Variants in PTPRZ1 observed in about 807,000 individuals in gnomAD.
PTPRZ1 encodes the protein protein tyrosine phosphatase receptor type Z1.
Under a neutral mutation model 214.1 loss-of-function variants are expected in PTPRZ1, and 82 were observed. The ratio of observed to expected loss-of-function variants is 0.38; its 90% confidence interval spans 0.32 to 0.46. The LOEUF is 0.46. Ranked by LOEUF, PTPRZ1 falls within the 20% of genes least tolerant of loss-of-function variation. The pLI is 1.00. For synonymous variants in PTPRZ1, 945 were observed against 987.9 expected (o/e 0.96, Z 0.81); for missense variants, 2,603 against 2,748.7 (o/e 0.95, Z 1.19).
At chr7:122,015,558 T>C (rs1407836712) in intron 12 of PTPRZ1, among the ~76,000 whole-genome samples, 1 of 152,118 alleles carries the variant, frequency 6.6e-6, no homozygotes, top group Non-Finnish European at 1.5e-5. Flanking sequence ...CTGTCATATA[T>C]ATGAACTGTT....
intron 2 of PTPRZ1, among the ~76,000 whole-genome samples, chr7:121,964,492 G>A (rs992168985): frequency 6.6e-6 from 1 of 152,060 alleles, no homozygotes; most frequent in South Asian, 2.1e-4. Flanking sequence ...TGATTCAATT[G>A]TCTCCACGTG....
At chr7:122,017,697 G>A (rs1231087409) in intron 12 of PTPRZ1, among the ~76,000 whole-genome samples, 1 of 151,892 alleles carries the variant, frequency 6.6e-6, no homozygotes, top group Non-Finnish European at 1.5e-5. Flanking sequence ...AAGTAGCTGG[G>A]ATTACAAGTG....
chr7:121,892,427 G>A (rs963229185), intron 1 of PTPRZ1, among the ~76,000 whole-genome samples: 23 of 151,874 alleles, frequency 1.5e-4, no homozygotes, highest in South Asian at 1.0e-3. Context: ...GGTGGGATAG[G>A]AAATCTTCAA....
At chr7:122,028,273 A>C (rs1799265884) in intron 13 of PTPRZ1, 1 of 268,336 alleles carries the variant, frequency 3.7e-6, no homozygotes, top group Non-Finnish European at 7.1e-6. Context: ...ACAAAGTATC[A>C]CTTTGAACCC....
intron 1 of PTPRZ1, among the ~76,000 whole-genome samples, chr7:121,885,122 A>C (rs1794360103): frequency 6.6e-6 from 1 of 152,180 alleles, no homozygotes; most frequent in Non-Finnish European, 1.5e-5. Context: ...CCACTTTATC[A>C]CATTCAAAAT....
At chr7:121,885,852 A>G (rs1012260191) in intron 1 of PTPRZ1, among the ~76,000 whole-genome samples, 1 of 152,224 alleles carries the variant, frequency 6.6e-6, no homozygotes, top group Non-Finnish European at 1.5e-5. Context: ...TACAAACATC[A>G]CAAGAGTCTA....
intron 1 of PTPRZ1, among the ~76,000 whole-genome samples, chr7:121,912,571 G>A (rs1156999496): frequency 6.6e-6 from 1 of 152,166 alleles, no homozygotes; most frequent in Non-Finnish European, 1.5e-5. Flanking sequence ...ATTTGGTAAA[G>A]AAGCGGGTGA....
chr7:121,932,259 G>T lies in PTPRZ1; in HGVS notation c.124+4038G>T, dbSNP rs140178768. The stretch of plus-strand genomic sequence containing the variant: ...ACATTAAAACCAAACCTTTAACGTG[G>T]ATTATTCACTATAAAGTGAATTATC... On this transcript the variant is annotated intron_variant, in intron 2 of 29. Coordinates refer to ENST00000393386, the MANE Select transcript of PTPRZ1 (RefSeq NM_002851.3). Among the ~76,000 whole-genome samples the T allele has an allele frequency of 6.0e-4, 91 of 152,116 alleles. No individual in the cohort carries two copies. In the East Asian group the frequency reaches 0.015, roughly 25 times the overall value.
chr7:121,904,839 A>G (rs939594330), intron 1 of PTPRZ1, among the ~76,000 whole-genome samples: 13 of 152,192 alleles, frequency 8.5e-5, no homozygotes, highest in African/African-American at 3.1e-4. Flanking sequence ...CTCTACTTTA[A>G]TAAATGCAAG....
intron 26 of PTPRZ1, 53 bp from the exon 27 acceptor site, chr7:122,054,888 T>C: frequency 1.3e-6 from 2 of 1,488,010 alleles, no homozygotes; most frequent in East Asian, 2.4e-5. Context: ...ACAATCTGAC[T>C]TATTGGTCAT....
At chr7:122,019,969 A>C (rs371092138) in intron 13 of PTPRZ1, among the ~76,000 whole-genome samples, 53 of 152,200 alleles carry the variant, frequency 3.5e-4, no homozygotes, top group African/African-American at 1.2e-3. Flanking sequence ...TCTGTTAGAA[A>C]ACAAAGGCTT....
intron 23 of PTPRZ1, among the ~76,000 whole-genome samples, chr7:122,049,374 C>G (rs996892896): frequency 1.3e-5 from 2 of 151,848 alleles, no homozygotes; most frequent in Non-Finnish European, 2.9e-5. Flanking sequence ...AAAGGATTTG[C>G]AGATAGATAA....
At chr7:121,962,406 C>G (rs1319769236) in intron 2 of PTPRZ1, among the ~76,000 whole-genome samples, 2 of 151,326 alleles carry the variant, frequency 1.3e-5, no homozygotes, top group Admixed American at 6.6e-5. Flanking sequence ...AGAGATTGCA[C>G]CACTGCACTC....
intron 1 of PTPRZ1, among the ~76,000 whole-genome samples, chr7:121,898,533 AT>A (rs556972964): frequency 1.6e-3 from 236 of 152,014 alleles, no homozygotes; most frequent in African/African-American, 5.2e-3. Context: ...GTCAGCCTTC[AT>A]TTTTTTTAAT....
At chr7:122,059,443 T>C (rs1792492310) in intron 28 of PTPRZ1, 1 of 214,160 alleles carries the variant, frequency 4.7e-6, no homozygotes, top group Non-Finnish European at 9.2e-6. Flanking sequence ...ATTATATGTG[T>C]ATTATACATG....
chr7:121,998,081 T>G (rs898631921), intron 10 of PTPRZ1, 75 bp downstream of exon 10: 9 of 1,467,078 alleles, frequency 6.1e-6, no homozygotes, highest in Non-Finnish European at 8.3e-6. Context: ...CATTGATGCT[T>G]TCTCTCTATA....
At chr7:121,916,381 C>A (rs1395497237) in intron 1 of PTPRZ1, among the ~76,000 whole-genome samples, 1 of 152,012 alleles carries the variant, frequency 6.6e-6, no homozygotes, top group Non-Finnish European at 1.5e-5. Flanking sequence ...CTAGTAAGTC[C>A]AGGGCAAAAT....
chr7:121,936,381 G>T (rs553768170), intron 2 of PTPRZ1, among the ~76,000 whole-genome samples: 2 of 152,298 alleles, frequency 1.3e-5, no homozygotes, highest in South Asian at 2.1e-4. Context: ...GTATATGGCT[G>T]TTTATCCTGT....
At position 121,938,181 on chromosome 7, in the gene PTPRZ1, A is replaced by G. The variant is rs543887516; in HGVS notation, c.124+9960A>G. Reference sequence around the variant, plus strand: ...AAATCCTCTCCATAAATGTAATAACAACAACAACAAAAAGCAGTTTTATTA... The same window carrying G: ...AAATCCTCTCCATAAATGTAATAACGACAACAACAAAAAGCAGTTTTATTA... On this transcript the variant is annotated intron_variant, in intron 2 of 29. Transcript: ENST00000393386. Among the ~76,000 whole-genome samples, 5 of 152,260 alleles carry G rather than the reference A, an allele frequency of 3.3e-5. No individual in the cohort carries two copies. In the East Asian group the frequency reaches 9.6e-4, roughly 29 times the overall value.
Sources: allele counts gnomAD v4.1 joint callset (sites outside exome capture counted in the v4.1 genomes callset), GRCh38; gene constraint gnomAD v4.1.1; transcripts MANE v1.5; gene names NCBI Gene and HGNC (gene_info 2026-07-23, HGNC 2026-07-21).